The following GALNT13 variants were observed in gnomAD, a reference collection of about 807,000 sequenced individuals.
GALNT13 encodes the protein UDP-GalNAc:polypeptide N-acetylgalactosaminyltransferase 13.
GALNT13 carries 28 observed loss-of-function variants against 64.2 expected under a neutral mutation model. That is an observed-to-expected ratio of 0.44 (90% CI 0.32 to 0.60). The LOEUF is 0.60. Ranked by LOEUF, GALNT13 falls within the 20% of genes least tolerant of loss-of-function variation. The pLI is 0.05. For synonymous variants in GALNT13, 214 were observed against 224.6 expected, an observed-to-expected ratio of 0.95 and a Z score of 0.42; for missense variants, 577 against 669.8, an observed-to-expected ratio of 0.86 and a Z score of 1.53.
intron 12 of GALNT13, among the ~76,000 whole-genome samples, chr2:154,441,275 G>A (rs1178013119): frequency 2.6e-5 from 4 of 152,116 alleles, no homozygotes; most frequent in Admixed American, 2.0e-4. Context: ...GGGAGCAAAA[G>A]GATAAGAGGT....
At chr2:153,478,722 C>T in the GALNT13 span, 1 of 642,876 alleles carries the variant, frequency 1.6e-6, no homozygotes, top group Non-Finnish European at 2.7e-6. Flanking sequence ...GTGGGAGTTT[C>T]CCAGGAGCCT....
At chr2:153,096,436 A>G in the GALNT13 span, among the ~76,000 whole-genome samples, 4 of 152,180 alleles carry the variant, frequency 2.6e-5, no homozygotes, top group Middle Eastern at 3.2e-3. Flanking sequence ...TTCTGTTTTG[A>G]AGATCTGTCC....
intron 3 of GALNT13, among the ~76,000 whole-genome samples, chr2:153,966,913 A>G (rs1693406355): frequency 6.6e-6 from 1 of 151,642 alleles, no homozygotes; most frequent in Non-Finnish European, 1.5e-5. Context: ...GGATTAGTTC[A>G]TTCTTTTTTT....
chr2:153,535,733 C>T, the GALNT13 span, among the ~76,000 whole-genome samples: 3 of 152,242 alleles, frequency 2.0e-5, no homozygotes, highest in Non-Finnish European at 2.9e-5. Flanking sequence ...TTTTAAAAGA[C>T]CTTTAGTCTA....
chr2:153,109,753 T>C, the GALNT13 span, among the ~76,000 whole-genome samples: 5 of 152,100 alleles, frequency 3.3e-5, no homozygotes, highest in Non-Finnish European at 7.4e-5. Context: ...CCCAAATCAA[T>C]TTTAATTCTT....
At chr2:153,736,037 C>G in the GALNT13 span, among the ~76,000 whole-genome samples, 1 of 152,176 alleles carries the variant, frequency 6.6e-6, no homozygotes, top group Non-Finnish European at 1.5e-5. Flanking sequence ...AAACTTTCAT[C>G]TACTAATTCC....
At chr2:154,213,804 C>A (rs1256998700) in intron 4 of GALNT13, among the ~76,000 whole-genome samples, 3 of 152,028 alleles carry the variant, frequency 2.0e-5, no homozygotes, top group Non-Finnish European at 4.4e-5. Context: ...AATATTTATT[C>A]ATTATTGTTA....
chr2:153,478,166 A>T, the GALNT13 span: 1 of 1,268,000 alleles, frequency 7.9e-7, no homozygotes, highest in Non-Finnish European at 1.1e-6. Flanking sequence ...AGTCTCTGAT[A>T]GTGAGGGGCA....
intron 4 of GALNT13, 23 bp from the exon 5 acceptor site, chr2:154,242,007 C>T (rs764391150): frequency 1.3e-6 from 2 of 1,493,262 alleles, no homozygotes; most frequent in South Asian, 1.3e-5. Context: ...TTATTAAGAT[C>T]CCTCTTCTTT....
chr2:153,294,113 G>T, the GALNT13 span, among the ~76,000 whole-genome samples: 1 of 146,108 alleles, frequency 6.8e-6, no homozygotes, highest in African/African-American at 2.4e-5. Flanking sequence ...ATGAGCCACT[G>T]CACCTGGCCT....
intron 3 of GALNT13, among the ~76,000 whole-genome samples, chr2:154,079,911 A>G (rs764638692): frequency 6.6e-6 from 1 of 151,782 alleles, no homozygotes; most frequent in East Asian, 1.9e-4. Context: ...AGGAAAATTT[A>G]CATTACATTT....
At chr2:154,047,460 G>C (rs1380341431) in intron 3 of GALNT13, among the ~76,000 whole-genome samples, 1 of 152,094 alleles carries the variant, frequency 6.6e-6, no homozygotes, top group African/African-American at 2.4e-5. Flanking sequence ...AATGTGCTAT[G>C]GTTTAAATCC....
the GALNT13 span, among the ~76,000 whole-genome samples, chr2:153,561,740 G>A: frequency 6.6e-6 from 1 of 151,128 alleles, no homozygotes; most frequent in Non-Finnish European, 1.5e-5. Flanking sequence ...AAGATGCTAG[G>A]TACATTTGTT....
chr2:153,918,150 A>C (rs972193933), intron 2 of GALNT13, among the ~76,000 whole-genome samples: 1 of 152,178 alleles, frequency 6.6e-6, no homozygotes, highest in African/African-American at 2.4e-5. Context: ...TGTTTGATTC[A>C]GCCAAGTTTA....
chr2:153,617,465 G>A, the GALNT13 span, among the ~76,000 whole-genome samples: 44 of 151,870 alleles, frequency 2.9e-4, no homozygotes, highest in Non-Finnish European at 5.2e-4. Flanking sequence ...TGGCTTTCTA[G>A]TATTTTGTTG....
chr2:154,211,229 A>G (rs886210439), intron 4 of GALNT13, among the ~76,000 whole-genome samples: 1 of 152,114 alleles, frequency 6.6e-6, no homozygotes, highest in Non-Finnish European at 1.5e-5. Context: ...GGTATAGCCT[A>G]TTGCTCCCAG....
the GALNT13 span, among the ~76,000 whole-genome samples, chr2:153,427,567 A>T: frequency 1.3e-5 from 2 of 152,158 alleles, no homozygotes; most frequent in Non-Finnish European, 2.9e-5. Context: ...GGGAAAAAAG[A>T]TGGGCATGTA....
At chr2:154,108,072 C>T (rs541632128) in intron 3 of GALNT13, among the ~76,000 whole-genome samples, 4 of 151,914 alleles carry the variant, frequency 2.6e-5, no homozygotes, top group South Asian at 2.1e-4. Flanking sequence ...ATGGGGGTGC[C>T]GACATTCCTT....
At chr2:153,962,914 G>C (rs973526216) in intron 3 of GALNT13, among the ~76,000 whole-genome samples, 30 of 152,152 alleles carry the variant, frequency 2.0e-4, no homozygotes, top group African/African-American at 7.2e-4. Context: ...AGTGTTTTGA[G>C]ATTAATAATG....
Sources: allele counts gnomAD v4.1 joint callset (sites outside exome capture counted in the v4.1 genomes callset), GRCh38; gene constraint gnomAD v4.1.1; transcripts MANE v1.5; gene names NCBI Gene and HGNC (gene_info 2026-07-23, HGNC 2026-07-21).